Variants in USP35 observed in about 807,000 individuals in gnomAD.
The protein encoded by USP35 is ubiquitin carboxyl-terminal hydrolase 35.
In USP35, 69 loss-of-function variants were observed where a neutral mutation model predicts 83.8. The observed-to-expected ratio is 0.82, with a 90% confidence interval of 0.68 to 1.01. The LOEUF is 1.01. USP35 is among the 50% of genes least tolerant of loss of function. USP35 has a pLI of 0.00. For synonymous variants in USP35, 714 were observed against 589.5 expected (o/e 1.21, Z -3.06); for missense variants, 1,503 against 1,362.5 (o/e 1.10, Z -1.62).
chr11:78,209,342 C>A, intron 9 of USP35, 106 bp from the exon 10 acceptor site: 2 of 1,213,218 alleles, frequency 1.6e-6, no homozygotes, highest in Non-Finnish European at 2.3e-6. Context: ...TGTTTGTGTG[C>A]GTCTCAATGT....
At position 78,210,370 on chromosome 11, in the gene USP35, G is replaced by C; in HGVS notation, c.2515G>C (p.Gly839Arg). The C allele has an allele frequency of 6.2e-7, 1 of 1,613,598 alleles. No individual in the cohort carries two copies. Among genetic ancestry groups the C allele is most frequent in the South Asian group, 1.1e-5 (1 of 91,082 alleles). Residue 839 changes from glycine (G) to arginine (R), a missense_variant, in exon 10 of 11, where the codon GGT becomes CGT. Physicochemically the swap from Gly to Arg is moderately radical, Grantham distance 125. Coordinates refer to ENST00000529308, the MANE Select transcript of USP35 (RefSeq NM_020798.4). ...CCTGCTGCTCCGCCTGCCACTGGCT[G>C]GTGGCCGTGGCCAGGCCTATGACCT... ...IPLLLRLPLAGGRGQAYDLCS... is the reference protein window; with the variant it reads ...IPLLLRLPLARGRGQAYDLCS...
chr11:78,216,409 A>T (rs1456055880), downstream of USP35: 1 of 152,100 alleles, frequency 6.6e-6, no homozygotes, highest in East Asian at 1.9e-4. Context: ...TTTTCAACTG[A>T]GTTGACTCCT....
rs757743059 is a variant in USP35, at chr11:78,210,024, A to G, written c.2169A>G (p.Thr723=). 3 of 1,613,768 alleles carry G rather than the reference A, an allele frequency of 1.9e-6. No individual in the cohort carries two copies. Among genetic ancestry groups the G allele is most frequent in the South Asian group, 2.2e-5 (2 of 91,078 alleles). ...EEEEEKVEKE[T]EKEAEQEKEE... Reference sequence around the variant, plus strand: ...AAGAAGAGAAGGTGGAGAAGGAGACAGAAAAGGAGGCTGAGCAGGAAAAGG... The same window carrying G: ...AAGAAGAGAAGGTGGAGAAGGAGACGGAAAAGGAGGCTGAGCAGGAAAAGG... Residue 723 remains threonine, a synonymous_variant, in exon 10 of 11, where the codon ACA becomes ACG. Transcript: ENST00000529308.
intron 10 of USP35, among the ~76,000 whole-genome samples, chr11:78,213,064 A>G (rs1363824808): frequency 1.3e-5 from 2 of 152,114 alleles, no homozygotes; most frequent in East Asian, 1.9e-4. Flanking sequence ...GTGCGGGGGA[A>G]TACAGCAACT....
the USP35 span, chr11:78,227,050 T>C: frequency 6.3e-7 from 1 of 1,598,570 alleles, no homozygotes; most frequent in Non-Finnish European, 8.5e-7. Context: ...AAGCTGGCAC[T>C]CCTAAAAGAG....
the USP35 span, among the ~76,000 whole-genome samples, chr11:78,224,378 G>C: frequency 6.6e-6 from 1 of 152,058 alleles, no homozygotes; most frequent in African/African-American, 2.4e-5. Flanking sequence ...GAGCATATTA[G>C]GAGTCCTGGC....
the USP35 span, among the ~76,000 whole-genome samples, chr11:78,227,410 A>G: frequency 6.6e-6 from 1 of 152,192 alleles, no homozygotes; most frequent in South Asian, 2.1e-4. Context: ...TGATGACAGG[A>G]AACAGCAAAC....
chr11:78,218,686 C>T (rs1368485281), downstream of USP35: 5 of 153,078 alleles, frequency 3.3e-5, no homozygotes, highest in African/African-American at 7.2e-5. Flanking sequence ...GCATCTAAGT[C>T]CTTTACCCCT....
Position 78,196,527 on chromosome 11 carries a change from C to T in USP35, c.282C>T (p.Gly94=), listed in dbSNP as rs1043404946. The change falls in exon 2 of 11, where the codon GGC becomes GGT. Residue 94 remains glycine, a synonymous_variant. Coordinates refer to ENST00000529308, the MANE Select transcript of USP35 (RefSeq NM_020798.4). The surrounding 1 kb of genome is among the most constrained non-coding windows in gnomAD (Gnocchi z 4.8). ...RVLRLLQGGA[G]PPGPRALACV... ...TGCGCCTGCTGCAGGGTGGCGCCGG[C>T]CCCCCGGGCCCCCGCGCGCTCGCCT... is the stretch of plus-strand genomic sequence containing the variant. The T allele has an allele frequency of 4.9e-6, 6 of 1,217,560 alleles. No individual in the cohort carries two copies. Among genetic ancestry groups the T allele is most frequent in the Admixed American group, 4.4e-5 (1 of 22,988 alleles). The allele number at this position is 1,217,560 out of a possible 1,614,324, so 75.4% of individuals were successfully genotyped here.
At position 78,196,530 on chromosome 11, in the gene USP35, C is replaced by T; in HGVS notation, c.285C>T (p.Pro95=). 1 of 1,223,138 alleles carries T rather than the reference C, an allele frequency of 8.2e-7. No individual in the cohort carries two copies. Among genetic ancestry groups the T allele is most frequent in the Non-Finnish European group, 1.0e-6 (1 of 974,410 alleles). 75.8% of individuals were successfully genotyped at this position (1,223,138 alleles called of 1,614,324 possible). A position where few individuals can be genotyped will look rare whatever the true frequency, so the allele number is the denominator to read the frequency against. The change falls in exon 2 of 11, where the codon CCC becomes CCT. Residue 95 remains proline, a synonymous_variant. Coordinates refer to ENST00000529308, the MANE Select transcript of USP35 (RefSeq NM_020798.4). This position sits in a 1 kb window ranked among gnomAD's most constrained non-coding sequence, Gnocchi z 4.8. ...VLRLLQGGAG[P]PGPRALACVQ... The stretch of plus-strand genomic sequence containing the variant: ...GCCTGCTGCAGGGTGGCGCCGGCCC[C>T]CCGGGCCCCCGCGCGCTCGCCTGCG...
the USP35 span, chr11:78,226,755 A>G: frequency 2.5e-6 from 4 of 1,613,960 alleles, no homozygotes; most frequent in East Asian, 8.9e-5. Context: ...GAGGTCCCCG[A>G]ACTCCCTGCA....
chr11:78,226,569 C>G, the USP35 span: 2 of 1,601,520 alleles, frequency 1.2e-6, no homozygotes, highest in Non-Finnish European at 1.7e-6. Flanking sequence ...CTGCTGAGGA[C>G]TGCCCCATCG....
the USP35 span, chr11:78,227,047 C>T: frequency 3.7e-6 from 6 of 1,603,872 alleles, no homozygotes; most frequent in Non-Finnish European, 8.5e-7. Flanking sequence ...GAGAAGCTGG[C>T]ACTCCTAAAA....
Position 78,208,932 on chromosome 11 carries a change from T to TCC in USP35, c.1561_1562insCC (p.Cys521SerfsTer6). On this transcript the variant is annotated frameshift_variant, in exon 9 of 11. Coordinates refer to ENST00000529308, the MANE Select transcript of USP35 (RefSeq NM_020798.4). LOFTEE classifies it high-confidence loss of function. Reference sequence around the variant, plus strand: ...GTTCAGCCCTGGCACCCAGCAGGACTGCTCGGAGTATCTGAAGTACCTGCT... The same window carrying TCC: ...GTTCAGCCCTGGCACCCAGCAGGACTCCGCTCGGAGTATCTGAAGTACCTGCT... The TCC allele has an allele frequency of 6.2e-7, 1 of 1,614,174 alleles. No individual in the cohort carries two copies. The highest frequency in any genetic ancestry group is 8.5e-7 in the Non-Finnish European group (1 of 1,179,996).
At chr11:78,221,702 T>C in the USP35 span, 1 of 1,612,850 alleles carries the variant, frequency 6.2e-7, no homozygotes, top group Non-Finnish European at 8.5e-7. Flanking sequence ...CTCTTCGCTG[T>C]CTCCTGAGTC....
At chr11:78,204,386 T>C (rs1863470955) in intron 6 of USP35, among the ~76,000 whole-genome samples, 1 of 152,264 alleles carries the variant, frequency 6.6e-6, no homozygotes, top group Admixed American at 6.5e-5. Context: ...GTTCTCTGAC[T>C]TAGGCAGATG....
chr11:78,213,781 AATGGTGGTG>A lies in USP35; in HGVS notation c.3027_3035del (p.Gly1010_Asp1012del), dbSNP rs1863919242. On this transcript the variant is annotated inframe_deletion, in exon 11 of 11. Transcript: ENST00000529308. ...AGGGGGCTGCAATCCTGCAGGTGGC[AATGGTGGTG>A]ACTTCCACAGACTGGTCTTCTAATG... 6 of 1,550,854 alleles carry A rather than the reference AATGGTGGTG, an allele frequency of 3.9e-6. No homozygotes were observed. The highest frequency in any genetic ancestry group is 1.7e-4 in the Middle Eastern group (1 of 5,878).
chr11:78,207,675 C>T (rs1365318983), intron 8 of USP35, 52 bp downstream of exon 8: 1 of 1,553,712 alleles, frequency 6.4e-7, no homozygotes, highest in Admixed American at 1.7e-5. Context: ...TGGTCAGGCC[C>T]CGACATGGAC....
chr11:78,220,184 A>T (rs1053827072), downstream of USP35: 4 of 841,594 alleles, frequency 4.8e-6, no homozygotes, highest in Non-Finnish European at 7.5e-6. Flanking sequence ...CTAAAGATGC[A>T]TCATAAAAGC....
Sources: gnomAD v4.1 joint callset for allele counts (sites outside exome capture counted in the v4.1 genomes callset) on GRCh38, gnomAD v4.1.1 for gene constraint, Gnocchi (gnomAD v3.1) non-coding constraint, MANE v1.5 for transcripts, NCBI Gene and HGNC (gene_info 2026-07-23, HGNC 2026-07-21) for gene names.